MTUS2: variants seen among roughly 807,000 people sequenced by gnomAD.
MTUS2 encodes the protein microtubule associated scaffold protein 2.
Under a neutral mutation model 114.1 loss-of-function variants are expected in MTUS2, and 40 were observed. That is an observed-to-expected ratio of 0.35 (90% CI 0.27 to 0.46). The LOEUF is 0.46. Ranked by LOEUF, MTUS2 falls within the 20% of genes least tolerant of loss-of-function variation. MTUS2 has a pLI of 1.00. For missense variants in MTUS2, 1,679 were observed against 1,705.4 expected, an observed-to-expected ratio of 0.98 and a Z score of 0.27; for synonymous variants, 688 against 672.0, an observed-to-expected ratio of 1.02 and a Z score of -0.37.
chr13:29,081,461 A>C (rs1034133368), intron 4 of MTUS2, among the ~76,000 whole-genome samples: 3 of 152,072 alleles, frequency 2.0e-5, no homozygotes, highest in African/African-American at 7.2e-5. Context: ...TGAGGCCAAT[A>C]AGGAAGACAA....
Position 28,878,362 on chromosome 13 carries a change from G to A in MTUS2, c.-243+38512G>A, listed in dbSNP as rs571584986. ...TCAACTCTTAAGTCCTGGGGTACAT[G>A]TGCAGTATGTGCAGGTTTGTTGCAT... is the stretch of plus-strand genomic sequence containing the variant. On this transcript the variant is annotated intron_variant, in intron 2 of 15. Transcript: ENST00000612955. Among the ~76,000 whole-genome samples the A allele has an allele frequency of 3.0e-4, 45 of 152,134 alleles. No homozygotes were observed. In the South Asian group the frequency reaches 7.9e-3, roughly 27 times the overall value.
At chr13:29,420,392 C>T (rs545930559) in intron 8 of MTUS2, among the ~76,000 whole-genome samples, 1 of 151,962 alleles carries the variant, frequency 6.6e-6, no homozygotes, top group African/African-American at 2.4e-5. Flanking sequence ...ATTCTCCTGC[C>T]TCAGCCTCCC....
intron 5 of MTUS2, among the ~76,000 whole-genome samples, chr13:29,188,422 A>T (rs891584791): frequency 6.6e-6 from 1 of 152,218 alleles, no homozygotes; most frequent in Non-Finnish European, 1.5e-5. Flanking sequence ...CAATCCCTAA[A>T]TTGTTTATTT....
At chr13:28,823,509 CCCAT>C (rs1187951847) in intron 1 of MTUS2, among the ~76,000 whole-genome samples, 1 of 152,138 alleles carries the variant, frequency 6.6e-6, no homozygotes, top group African/African-American at 2.4e-5. Flanking sequence ...CTATCAATTA[CCCAT>C]CCATCAGTCA....
At chr13:29,463,207 C>G (rs1879635099) in intron 9 of MTUS2, among the ~76,000 whole-genome samples, 1 of 152,088 alleles carries the variant, frequency 6.6e-6, no homozygotes, top group Non-Finnish European at 1.5e-5. Flanking sequence ...GATATGTATT[C>G]TCCTGGGAGC....
chr13:29,293,140 C>T (rs1188986573), intron 6 of MTUS2, among the ~76,000 whole-genome samples: 5 of 151,970 alleles, frequency 3.3e-5, no homozygotes, highest in Admixed American at 2.0e-4. Flanking sequence ...AAATTTAAAA[C>T]TTTCTACAAT....
intron 4 of MTUS2, among the ~76,000 whole-genome samples, chr13:29,071,114 C>T (rs1454329014): frequency 6.6e-6 from 1 of 150,944 alleles, no homozygotes; most frequent in African/African-American, 2.4e-5. Flanking sequence ...AAGCGATTCT[C>T]CTGCCTCAGC....
intron 3 of MTUS2, among the ~76,000 whole-genome samples, chr13:29,027,473 C>T (rs1417537362): frequency 2.6e-5 from 4 of 152,200 alleles, no homozygotes; most frequent in Non-Finnish European, 4.4e-5. Flanking sequence ...AGCGTTTGAT[C>T]TTTGTTAATC....
At chr13:28,939,917 C>T (rs4545657) in intron 2 of MTUS2, among the ~76,000 whole-genome samples, 21,941 of 152,088 alleles carry the variant, frequency 0.14, 1,816 homozygotes, top group South Asian at 0.24. Flanking sequence ...TCATGTCTTA[C>T]GTGGCGGCAG....
At chr13:28,993,109 A>G (rs1425160703) in intron 2 of MTUS2, among the ~76,000 whole-genome samples, 1 of 152,208 alleles carries the variant, frequency 6.6e-6, no homozygotes, top group Non-Finnish European at 1.5e-5. Context: ...TTGTATGTAT[A>G]TATCACATTT....
chr13:29,110,974 G>A (rs940294758), intron 5 of MTUS2, among the ~76,000 whole-genome samples: 5 of 152,172 alleles, frequency 3.3e-5, no homozygotes, highest in Non-Finnish European at 5.9e-5. Flanking sequence ...TGATCTTTGG[G>A]AAAGTCAGTT....
intron 5 of MTUS2, among the ~76,000 whole-genome samples, chr13:29,188,976 C>A (rs1894336619): frequency 6.6e-6 from 1 of 152,156 alleles, no homozygotes; most frequent in South Asian, 2.1e-4. Context: ...GATAGATGAA[C>A]AACATGTAGA....
intron 5 of MTUS2, among the ~76,000 whole-genome samples, chr13:29,101,652 T>A (rs1890424190): frequency 6.6e-6 from 1 of 152,186 alleles, no homozygotes; most frequent in Non-Finnish European, 1.5e-5. Flanking sequence ...CCCATCTCAG[T>A]CACCACTTCA....
chr13:29,056,734 G>A (rs1489780957), intron 4 of MTUS2, among the ~76,000 whole-genome samples: 1 of 151,764 alleles, frequency 6.6e-6, no homozygotes, highest in Non-Finnish European at 1.5e-5. Context: ...GTCTATCCAT[G>A]TTGTTTATTC....
At chr13:29,196,098 AT>A (rs10708933) in intron 5 of MTUS2, among the ~76,000 whole-genome samples, 26,424 of 143,594 alleles carry the variant, frequency 0.18, 2,268 homozygotes, top group East Asian at 0.3. Context: ...ACTACTGCAG[AT>A]TTTTTTTTTT....
chr13:28,923,125 C>T lies in MTUS2; in HGVS notation c.-243+83275C>T, dbSNP rs986728478. On this transcript the variant is annotated intron_variant, in intron 2 of 15. Coordinates refer to ENST00000612955, the MANE Select transcript of MTUS2 (RefSeq NM_001033602.4). ...TCCTTTGTCATTTCTGCTTCCTTAT[C>T]GATCCCCGAATTAAAACAAATTCTG... 4.6e-5 allele frequency among the ~76,000 whole-genome samples: 7 copies of T among 152,192 alleles called. 1 individual carries two copies. In the South Asian group the frequency reaches 8.3e-4, roughly 18 times the overall value.
intron 5 of MTUS2, among the ~76,000 whole-genome samples, chr13:29,276,494 C>T (rs1414086068): frequency 6.6e-6 from 1 of 152,152 alleles, no homozygotes; most frequent in South Asian, 2.1e-4. Flanking sequence ...AGTGGAATAC[C>T]TTCATCCTTT....
chr13:29,070,686 T>C (rs554083751), intron 4 of MTUS2, among the ~76,000 whole-genome samples: 161 of 103,524 alleles, frequency 1.6e-3, no homozygotes, highest in African/African-American at 4.6e-3. Context: ...TGTTTGAAAC[T>C]TGTCTCTCTG....
Position 29,073,219 on chromosome 13 carries a change from A to G in MTUS2, c.2447-27554A>G, listed in dbSNP as rs117217598. Reference sequence around the variant, plus strand: ...AATAACCCAAAAATGCTTAACCTCAATTTCTTAGGTTGTTGAAAGAAAGTC... The same window carrying G: ...AATAACCCAAAAATGCTTAACCTCAGTTTCTTAGGTTGTTGAAAGAAAGTC... On this transcript the variant is annotated intron_variant, in intron 4 of 15. Transcript: ENST00000612955. Among the ~76,000 whole-genome samples, 232 of 152,296 alleles carry G rather than the reference A, an allele frequency of 1.5e-3. 1 individual carries two copies. The East Asian group carries it at 0.04, about 26-fold the overall frequency.
Sources: gnomAD v4.1 joint callset for allele counts (sites outside exome capture counted in the v4.1 genomes callset) on GRCh38, gnomAD v4.1.1 for gene constraint, MANE v1.5 for transcripts, NCBI Gene and HGNC (gene_info 2026-07-23, HGNC 2026-07-21) for gene names.